KDM5A: variants seen among roughly 807,000 people sequenced by gnomAD.
KDM5A encodes the protein lysine-specific demethylase 5A.
KDM5A carries 42 observed loss-of-function variants against 193.5 expected under a neutral mutation model. That is an observed-to-expected ratio of 0.22 (90% CI 0.17 to 0.28). KDM5A has a LOEUF of 0.28. KDM5A is among the 10% of genes least tolerant of loss of function. The probability of loss-of-function intolerance (pLI) is 1.00; values close to 1 mark genes in which losing one functional copy is unlikely to be tolerated. For missense variants in KDM5A, 1,692 were observed against 2,055.1 expected (o/e 0.82, Z 3.42); for synonymous variants, 796 against 718.1 (o/e 1.11, Z -1.73).
chr12:370,904 T>C (rs940442379), intron 3 of KDM5A, among the ~76,000 whole-genome samples: 2 of 152,230 alleles, frequency 1.3e-5, no homozygotes, highest in Admixed American at 1.3e-4. Context: ...CTGAGAATGA[T>C]GGTTTCCAGC....
At chr12:286,184 T>C (rs1943217538) in intron 27 of KDM5A, 3 of 507,988 alleles carry the variant, frequency 5.9e-6, no homozygotes, top group Non-Finnish European at 1.2e-5. Context: ...TATTCTTCTC[T>C]TCTTCCGTTA....
chr12:304,614 A>T (rs984908184), intron 24 of KDM5A, among the ~76,000 whole-genome samples: 1 of 152,102 alleles, frequency 6.6e-6, no homozygotes, highest in Non-Finnish European at 1.5e-5. Flanking sequence ...AACACTAGAA[A>T]ATCCATAATC....
Position 323,669 on chromosome 12 carries a change from G to A in KDM5A, c.2081C>T (p.Pro694Leu), listed in dbSNP as rs2137411810. 6.2e-7 allele frequency: 1 copy of A among 1,614,124 alleles called. No homozygotes were observed. Reference protein sequence around the residue: ...FLSALTCSCNPERLVCLYHPT... With the variant: ...FLSALTCSCNLERLVCLYHPT... ...ATGGTAGAGACATACAAGCCGCTCAGGATTACAGGAACATGTGAGAGCAGA... is the reference window on the plus strand; with the variant it reads ...ATGGTAGAGACATACAAGCCGCTCAAGATTACAGGAACATGTGAGAGCAGA... The change falls in exon 15 of 28, where the codon CCT (proline) becomes CTT (leucine). Residue 694 changes from proline to leucine, a missense_variant. Coordinates refer to ENST00000399788, the MANE Select transcript of KDM5A (RefSeq NM_001042603.3).
intron 27 of KDM5A, among the ~76,000 whole-genome samples, chr12:288,248 T>C (rs1361738936): frequency 5.9e-5 from 9 of 152,200 alleles, no homozygotes; most frequent in Non-Finnish European, 1.3e-4. Flanking sequence ...CTATGTAGTA[T>C]CCTGAAAACT....
chr12:386,025 T>G (rs372659569), intron 1 of KDM5A, 51 bp from the exon 2 acceptor site: 1 of 1,397,520 alleles, frequency 7.2e-7, no homozygotes. Flanking sequence ...AAACAAGGAA[T>G]GCATTAATTA....
At chr12:352,597 T>C (rs972514534) in intron 8 of KDM5A, among the ~76,000 whole-genome samples, 1 of 152,202 alleles carries the variant, frequency 6.6e-6, no homozygotes, top group African/African-American at 2.4e-5. Flanking sequence ...AAGACAAGCA[T>C]CTAAAGGACT....
At chr12:308,805 T>A (rs1591905851) in intron 22 of KDM5A, among the ~76,000 whole-genome samples, 1 of 152,210 alleles carries the variant, frequency 6.6e-6, no homozygotes, top group African/African-American at 2.4e-5. Flanking sequence ...AAGAGCTATA[T>A]CACATGCAAT....
chr12:331,980 A>G, intron 12 of KDM5A, 42 bp from the exon 13 acceptor site: 1 of 1,585,930 alleles, frequency 6.3e-7, no homozygotes, highest in African/African-American at 1.3e-5. Flanking sequence ...ATAAAAAATA[A>G]AAATAACAAA....
At position 285,433 on chromosome 12, in the gene KDM5A, G is replaced by A; in HGVS notation, c.*23C>T. The stretch of plus-strand genomic sequence containing the variant: ...CTCAATGTGGTCCATGTCCCCCCAT[G>A]TCCCAAACTAACCAAGCATCTGCTA... On this transcript the variant is annotated 3_prime_UTR_variant, in exon 28 of 28. Transcript: ENST00000399788. 2 of 1,602,462 alleles carry A rather than the reference G, an allele frequency of 1.2e-6. No individual in the cohort carries two copies. The highest frequency in any genetic ancestry group is 1.7e-6 in the Non-Finnish European group (2 of 1,169,570).
chr12:375,968 T>C (rs766775092), intron 3 of KDM5A, among the ~76,000 whole-genome samples: 6 of 152,224 alleles, frequency 3.9e-5, no homozygotes, highest in Non-Finnish European at 7.3e-5. Context: ...TACCCGGCCA[T>C]GTGGGTGTCA....
chr12:384,417 A>G (rs1944615013), intron 2 of KDM5A, among the ~76,000 whole-genome samples: 1 of 152,200 alleles, frequency 6.6e-6, no homozygotes, highest in African/African-American at 2.4e-5. Flanking sequence ...CTGAGGTGGA[A>G]CAGTTTCATC....
At chr12:333,745 T>A in intron 11 of KDM5A, 96 bp from the exon 12 acceptor site, 1 of 1,162,710 alleles carries the variant, frequency 8.6e-7, no homozygotes, top group Non-Finnish European at 1.3e-6. Flanking sequence ...TAACTTGTCT[T>A]ATTCCATGGT....
At position 285,120 on chromosome 12, in the gene KDM5A, A is replaced by G. The variant is rs2137354076; in HGVS notation, c.*336T>C. ...AACTACTATCAGCTGGACAAAAGCC[A>G]CATCCTATATGCCCTGTTAGCACAC... is the stretch of plus-strand genomic sequence containing the variant. On this transcript the variant is annotated 3_prime_UTR_variant, in exon 28 of 28. Transcript: ENST00000399788. 2.7e-6 allele frequency: 1 copy of G among 368,454 alleles called. No homozygotes were observed. Among genetic ancestry groups the G allele is most frequent in the South Asian group, 4.7e-5 (1 of 21,164 alleles). The allele number at this position is 368,454 out of a possible 1,614,324, so 22.8% of individuals were successfully genotyped here.
intron 4 of KDM5A, among the ~76,000 whole-genome samples, chr12:364,194 G>A (rs567517139): frequency 7.4e-4 from 112 of 152,292 alleles, no homozygotes; most frequent in African/African-American, 1.9e-3. Flanking sequence ...TACACAGGCC[G>A]GGTGCGGTGG....
Position 283,263 on chromosome 12 carries a change from T to C in KDM5A, c.*2193A>G, listed in dbSNP as rs1054861563. The C allele has an allele frequency of 4.3e-6, 1 of 231,880 alleles. No individual in the cohort carries two copies. The highest frequency in any genetic ancestry group is 2.2e-5 in the African/African-American group (1 of 45,262). 14.4% of individuals were successfully genotyped at this position (231,880 alleles called of 1,614,324 possible). On this transcript the variant is annotated 3_prime_UTR_variant, in exon 28 of 28. Transcript: ENST00000399788. ...ACAGGCAAAAAATATTGTGCTTTCT[T>C]GTATAACATCAACCAGAGGAAATTC...
rs900698410 is a variant in KDM5A, at chr12:386,060, C to A, written c.166-86G>T. On this transcript the variant is annotated intron_variant, in intron 1 of 27. Coordinates refer to ENST00000399788, the MANE Select transcript of KDM5A (RefSeq NM_001042603.3). ...ATTCCCTTAAAGGGGGGTTTTGCCA[C>A]AAATCATGGTGCTAATAGACTAACT... 4.0e-5 allele frequency: 38 copies of A among 942,246 alleles called. No individual in the cohort carries two copies. The East Asian group carries it at 9.1e-4, about 22-fold the overall frequency. The allele number at this position is 942,246 out of a possible 1,614,324, so 58.4% of individuals were successfully genotyped here. A position where few individuals can be genotyped will look rare whatever the true frequency, so the allele number is the denominator to read the frequency against.
intron 5 of KDM5A, among the ~76,000 whole-genome samples, chr12:360,491 T>C (rs184023750): frequency 1.0e-3 from 158 of 152,138 alleles, no homozygotes; most frequent in Non-Finnish European, 1.7e-3. Flanking sequence ...AAAATCAAGT[T>C]AATCTCAATT....
intron 10 of KDM5A, among the ~76,000 whole-genome samples, chr12:344,849 C>A (rs1245036397): frequency 6.6e-6 from 1 of 152,198 alleles, no homozygotes; most frequent in Non-Finnish European, 1.5e-5. Flanking sequence ...TATGAAGAAA[C>A]TGCATCAATT....
At chr12:386,013 G>T in intron 1 of KDM5A, 39 bp from the exon 2 acceptor site, 1 of 1,501,056 alleles carries the variant, frequency 6.7e-7, no homozygotes. Context: ...ACAGTGGTAT[G>T]TAAACAAGGA....
Sources: allele counts gnomAD v4.1 joint callset (sites outside exome capture counted in the v4.1 genomes callset), GRCh38; gene constraint gnomAD v4.1.1; transcripts MANE v1.5; gene names NCBI Gene and HGNC (gene_info 2026-07-23, HGNC 2026-07-21).